NTRK2: variants seen among roughly 807,000 people sequenced by gnomAD.
NTRK2 encodes BDNF/NT-3 growth factors receptor.
NTRK2 carries 13 observed loss-of-function variants against 94.5 expected under a neutral mutation model. The ratio of observed to expected loss-of-function variants is 0.14; its 90% CI spans 0.09 to 0.22. The LOEUF (loss-of-function observed/expected upper bound fraction) is 0.22, where lower values mean the gene tolerates loss of function less well. Among genes scored for constraint, NTRK2 ranks in the 10% least tolerant of loss-of-function variants. The probability of loss-of-function intolerance (pLI) is 1.00; values close to 1 mark genes in which losing one functional copy is unlikely to be tolerated. For missense variants in NTRK2, 639 were observed against 1,071.2 expected (o/e 0.60, Z 5.63); for synonymous variants, 372 against 407.4 (o/e 0.91, Z 1.05).
intron 12 of NTRK2, among the ~76,000 whole-genome samples, chr9:84,820,644 C>T (rs1034300398): frequency 1.3e-5 from 2 of 152,106 alleles, no homozygotes; most frequent in Admixed American, 6.5e-5. Context: ...TTTCAAATCT[C>T]CTAAAAATTT....
At chr9:84,710,821 G>T (rs200883587) in intron 6 of NTRK2, 30 bp downstream of exon 6, 4 of 1,611,642 alleles carry the variant, frequency 2.5e-6, no homozygotes, top group Admixed American at 3.3e-5. Context: ...ATGTGTTCTA[G>T]TTGCTATTAA....
intron 14 of NTRK2, among the ~76,000 whole-genome samples, chr9:84,894,153 C>CGGGG (rs2076683093): frequency 1.7e-4 from 2 of 11,492 alleles, no homozygotes; most frequent in Non-Finnish European, 3.3e-4. Context: ...TTGGGTGTTA[C>CGGGG]TTGACTATTT....
chr9:84,825,638 G>A lies in NTRK2; in HGVS notation c.1397-35402G>A, dbSNP rs190887722. ...GACAGCATGGCATGCAGTAACAGAA[G>A]CAATGACCATAACAATGATTATCAT... On this transcript the variant is annotated intron_variant, in intron 12 of 18. Transcript: ENST00000277120. Among the ~76,000 whole-genome samples, 1,283 of 152,316 alleles carry A rather than the reference G, an allele frequency of 8.4e-3. 15 individuals are homozygous for A. Among genetic ancestry groups the A allele is most frequent in the Non-Finnish European group, 0.014 (953 of 68,028 alleles).
intron 12 of NTRK2, among the ~76,000 whole-genome samples, chr9:84,797,568 T>TAC (rs1240273661): frequency 3.6e-4 from 31 of 85,874 alleles, no homozygotes; most frequent in African/African-American, 1.7e-3. Context: ...ATACTATATA[T>TAC]TATATATATT....
At chr9:84,686,196 A>G (rs1322899270) in intron 2 of NTRK2, among the ~76,000 whole-genome samples, 1 of 152,230 alleles carries the variant, frequency 6.6e-6, no homozygotes, top group Non-Finnish European at 1.5e-5. Context: ...GCACAGTGTT[A>G]GTTCATGCAC....
chr9:84,909,450 C>T (rs1004923993), intron 14 of NTRK2, among the ~76,000 whole-genome samples: 4 of 151,514 alleles, frequency 2.6e-5, no homozygotes, highest in African/African-American at 9.7e-5. Context: ...TGCAATTACT[C>T]GGTGGTAGGG....
chr9:84,899,367 G>T (rs73476440), intron 14 of NTRK2, among the ~76,000 whole-genome samples: 9,722 of 152,194 alleles, frequency 0.064, 931 homozygotes, highest in African/African-American at 0.21. Flanking sequence ...TATCTGAAAG[G>T]GTGCCCAGAG....
chr9:84,753,323 A>G (rs1268763157), intron 12 of NTRK2, among the ~76,000 whole-genome samples: 1 of 152,118 alleles, frequency 6.6e-6, no homozygotes, highest in African/African-American at 2.4e-5. Flanking sequence ...GTGGTTCTCA[A>G]ACTTGACTGT....
intron 12 of NTRK2, among the ~76,000 whole-genome samples, chr9:84,808,734 C>T (rs1327592418): frequency 6.6e-6 from 1 of 152,166 alleles, no homozygotes; most frequent in Non-Finnish European, 1.5e-5. Context: ...TGATTAAATC[C>T]ATAAATGATG....
At chr9:84,780,603 A>G (rs2067471718) in intron 12 of NTRK2, among the ~76,000 whole-genome samples, 1 of 152,194 alleles carries the variant, frequency 6.6e-6, no homozygotes, top group Non-Finnish European at 1.5e-5. Context: ...ACCAAGGTCC[A>G]GCTCTGCGCA....
intron 8 of NTRK2, among the ~76,000 whole-genome samples, chr9:84,726,253 G>A (rs1187361): frequency 0.59 from 89,034 of 152,014 alleles, 27,468 homozygotes; most frequent in South Asian, 0.68. Flanking sequence ...TTGGGAGGCC[G>A]AGGCGGGTGG....
At chr9:84,841,269 C>A (rs2074167977) in intron 12 of NTRK2, among the ~76,000 whole-genome samples, 1 of 152,162 alleles carries the variant, frequency 6.6e-6, no homozygotes, top group African/African-American at 2.4e-5. Context: ...TTGGCATGAC[C>A]AACACAGAGC....
intron 12 of NTRK2, among the ~76,000 whole-genome samples, chr9:84,842,957 C>T (rs1412624071): frequency 1.3e-5 from 2 of 152,128 alleles, no homozygotes; most frequent in African/African-American, 4.8e-5. Flanking sequence ...TCCCATGATC[C>T]AGTCTTTTTG....
chr9:84,747,405 G>C (rs539466400), intron 11 of NTRK2, among the ~76,000 whole-genome samples: 4 of 151,000 alleles, frequency 2.6e-5, no homozygotes, highest in Non-Finnish European at 5.9e-5. Context: ...GTTTGTGTAC[G>C]TAAGAAATCC....
chr9:84,907,874 T>C (rs1336450957), intron 14 of NTRK2, among the ~76,000 whole-genome samples: 3 of 152,212 alleles, frequency 2.0e-5, no homozygotes, highest in Non-Finnish European at 4.4e-5. Flanking sequence ...TCTCAAATTC[T>C]TACATAAAGG....
chr9:84,977,107 A>T (rs1826973373), intron 17 of NTRK2, among the ~76,000 whole-genome samples: 1 of 152,100 alleles, frequency 6.6e-6, no homozygotes, highest in African/African-American at 2.4e-5. Context: ...GCTCCTGTAA[A>T]CCCTGGTCAC....
At chr9:84,963,866 G>A (rs1166005836) in intron 17 of NTRK2, among the ~76,000 whole-genome samples, 1 of 151,992 alleles carries the variant, frequency 6.6e-6, no homozygotes, top group Admixed American at 6.6e-5. Flanking sequence ...CTCCTGCAAT[G>A]TCTAATTTGC....
intron 12 of NTRK2, among the ~76,000 whole-genome samples, chr9:84,784,563 G>A (rs1361575928): frequency 2.6e-5 from 4 of 152,168 alleles, no homozygotes; most frequent in East Asian, 3.8e-4. Context: ...ATTTGGGTAC[G>A]TGTATGAAGA....
chr9:84,875,049 T>A (rs964590001), intron 14 of NTRK2: 1 of 1,059,764 alleles, frequency 9.4e-7, no homozygotes, highest in African/African-American at 1.6e-5. Context: ...AAACGAAAAG[T>A]CCCATGTAAT....
Sources: gnomAD v4.1 joint callset for allele counts (sites outside exome capture counted in the v4.1 genomes callset) on GRCh38, gnomAD v4.1.1 for gene constraint, MANE v1.5 for transcripts, NCBI Gene and HGNC (gene_info 2026-07-23, HGNC 2026-07-21) for gene names.